Variants in RANBP2 observed in about 807,000 individuals in gnomAD.
RANBP2 encodes E3 SUMO-protein ligase RanBP2.
RANBP2 carries 57 observed loss-of-function variants against 303.6 expected under a neutral mutation model. The observed-to-expected ratio is 0.19, with a 90% confidence interval of 0.15 to 0.23. The LOEUF (loss-of-function observed/expected upper bound fraction) is 0.23, where lower values mean the gene tolerates loss of function less well. Among genes scored for constraint, RANBP2 ranks in the 10% least tolerant of loss-of-function variants. RANBP2 has a pLI of 1.00. For synonymous variants in RANBP2, 1,167 were observed against 1,301.5 expected, an observed-to-expected ratio of 0.90 and a Z score of 2.23; for missense variants, 3,138 against 3,780.8, an observed-to-expected ratio of 0.83 and a Z score of 4.46.
chr2:108,818,243 G>A, the RANBP2 span, among the ~76,000 whole-genome samples: 2 of 152,228 alleles, frequency 1.3e-5, no homozygotes, highest in East Asian at 3.9e-4. Context: ...GGGGGTCGAG[G>A]CTGCAGTGAG....
chr2:108,948,318 C>T, the RANBP2 span, among the ~76,000 whole-genome samples: 1 of 152,204 alleles, frequency 6.6e-6, no homozygotes, highest in Non-Finnish European at 1.5e-5. Flanking sequence ...CCAAACGTTC[C>T]CATGTCTTCC....
the RANBP2 span, among the ~76,000 whole-genome samples, chr2:109,130,516 G>GAA: frequency 6.6e-6 from 1 of 152,172 alleles, no homozygotes; most frequent in Non-Finnish European, 1.5e-5. Flanking sequence ...TAACGTTTCT[G>GAA]ACAGGGCTCT....
At chr2:109,273,853 G>T in the RANBP2 span, among the ~76,000 whole-genome samples, 1 of 152,144 alleles carries the variant, frequency 6.6e-6, no homozygotes, top group Non-Finnish European at 1.5e-5. Flanking sequence ...TAAAGGGGTT[G>T]CTTGAAGTGA....
At chr2:109,120,652 A>T in the RANBP2 span, among the ~76,000 whole-genome samples, 42 of 129,922 alleles carry the variant, frequency 3.2e-4, no homozygotes, top group African/African-American at 1.2e-3. Flanking sequence ...GGGCAAAAAG[A>T]GCGAAACTCC....
chr2:109,347,553 C>T, the RANBP2 span: 5 of 1,348,596 alleles, frequency 3.7e-6, no homozygotes, highest in Non-Finnish European at 5.0e-6. Context: ...TTGCGGGGCA[C>T]TCTGTATGCA....
chr2:109,412,179 G>A, the RANBP2 span, among the ~76,000 whole-genome samples: 4 of 152,268 alleles, frequency 2.6e-5, no homozygotes, highest in Non-Finnish European at 4.4e-5. Flanking sequence ...CGTGTGCTCC[G>A]CACAGTGTGC....
the RANBP2 span, among the ~76,000 whole-genome samples, chr2:108,861,966 G>A: frequency 2.6e-4 from 40 of 151,940 alleles, 1 homozygote; most frequent in East Asian, 5.2e-3. Flanking sequence ...AAAGTCATTC[G>A]GGAGTAAATT....
chr2:109,012,405 A>G, the RANBP2 span, among the ~76,000 whole-genome samples: 1 of 152,096 alleles, frequency 6.6e-6, no homozygotes, highest in Non-Finnish European at 1.5e-5. Context: ...TTCGGTCTTG[A>G]GAGCCCCCAC....
chr2:108,920,553 C>T, the RANBP2 span, among the ~76,000 whole-genome samples: 2,788 of 152,204 alleles, frequency 0.018, 74 homozygotes, highest in African/African-American at 0.064. Flanking sequence ...CAGGGCTCCA[C>T]AGTATTGCAG....
At chr2:108,967,940 C>T in the RANBP2 span, among the ~76,000 whole-genome samples, 1 of 152,192 alleles carries the variant, frequency 6.6e-6, no homozygotes, top group Non-Finnish European at 1.5e-5. Context: ...CTTTGCGGAG[C>T]TGGAGGGCCC....
chr2:109,112,905 G>T, the RANBP2 span, among the ~76,000 whole-genome samples: 5 of 152,110 alleles, frequency 3.3e-5, no homozygotes, highest in African/African-American at 2.4e-5. Context: ...TTTCCCCATT[G>T]CTTGTTTTTC....
At chr2:109,201,682 G>A in the RANBP2 span, among the ~76,000 whole-genome samples, 3 of 152,198 alleles carry the variant, frequency 2.0e-5, no homozygotes, top group South Asian at 2.1e-4. Context: ...TCTCCAGCCC[G>A]TCAGCAGCAT....
At chr2:109,735,921 G>T in the RANBP2 span, among the ~76,000 whole-genome samples, 3 of 152,142 alleles carry the variant, frequency 2.0e-5, no homozygotes, top group African/African-American at 7.2e-5. Context: ...TTTAACACAA[G>T]TGAAATTGCA....
the RANBP2 span, among the ~76,000 whole-genome samples, chr2:109,323,061 A>C: frequency 1.3e-5 from 2 of 152,330 alleles, no homozygotes; most frequent in East Asian, 3.9e-4. Context: ...TATCAGAGAC[A>C]GGAGGGAGCT....
At chr2:109,677,581 A>G in the RANBP2 span, among the ~76,000 whole-genome samples, 1 of 152,264 alleles carries the variant, frequency 6.6e-6, no homozygotes, top group South Asian at 2.1e-4. Flanking sequence ...GCACTTAAAA[A>G]TCCATATCAC....
the RANBP2 span, among the ~76,000 whole-genome samples, chr2:109,055,994 G>T: frequency 2.6e-5 from 4 of 151,750 alleles, no homozygotes; most frequent in African/African-American, 9.7e-5. Context: ...TCCTGATCTC[G>T]TGATCCACCC....
intron 7 of RANBP2, among the ~76,000 whole-genome samples, chr2:108,740,984 G>C (rs13428171): frequency 2.0e-5 from 3 of 151,958 alleles, no homozygotes; most frequent in Non-Finnish European, 4.4e-5. Context: ...ATGTAATCTC[G>C]TATTATGGGT....
At chr2:109,412,630 G>A in the RANBP2 span, among the ~76,000 whole-genome samples, 3 of 152,254 alleles carry the variant, frequency 2.0e-5, no homozygotes, top group South Asian at 6.2e-4. Context: ...CCCTGACAAA[G>A]ATGGCACATG....
chr2:109,191,283 T>G, the RANBP2 span, among the ~76,000 whole-genome samples: 1 of 152,108 alleles, frequency 6.6e-6, no homozygotes, highest in Non-Finnish European at 1.5e-5. Context: ...AGGGAGTTGT[T>G]GCAAATGGAA....
Sources: gnomAD v4.1 joint callset for allele counts (sites outside exome capture counted in the v4.1 genomes callset) on GRCh38, gnomAD v4.1.1 for gene constraint, MANE v1.5 for transcripts, NCBI Gene and HGNC (gene_info 2026-07-23, HGNC 2026-07-21) for gene names.